Variants in GABRR3 observed in about 807,000 individuals in gnomAD.
The protein encoded by GABRR3 is gamma-aminobutyric acid type A receptor subunit rho3.
GABRR3 carries 29 observed loss-of-function variants against 43.2 expected under a neutral mutation model. The observed-to-expected ratio is 0.67, with a 90% CI of 0.50 to 0.92. The LOEUF (loss-of-function observed/expected upper bound fraction) is 0.92, where lower values mean the gene tolerates loss of function less well. Among genes scored for constraint, GABRR3 ranks in the 40% least tolerant of loss-of-function variants. The pLI is 0.00. For synonymous variants in GABRR3, 206 were observed against 195.9 expected (o/e 1.05, Z -0.43); for missense variants, 576 against 572.3 (o/e 1.01, Z -0.07).
At chr3:98,020,795 T>C (rs1190892349) in intron 3 of GABRR3, among the ~76,000 whole-genome samples, 1 of 152,104 alleles carries the variant, frequency 6.6e-6, no homozygotes, top group Non-Finnish European at 1.5e-5. Flanking sequence ...CTGGTGGGGA[T>C]AAGCTCTTCC....
At chr3:98,007,190 G>T (rs528631355) in intron 7 of GABRR3, among the ~76,000 whole-genome samples, 2 of 152,162 alleles carry the variant, frequency 1.3e-5, no homozygotes, top group South Asian at 2.1e-4. Flanking sequence ...GGGTTGGTTT[G>T]GTTAGGAAAG....
chr3:98,004,421 A>G (rs1706696863), intron 7 of GABRR3, among the ~76,000 whole-genome samples: 1 of 152,174 alleles, frequency 6.6e-6, no homozygotes, highest in South Asian at 2.1e-4. Flanking sequence ...CTAATAAATG[A>G]TAGAGACAGG....
intron 4 of GABRR3, among the ~76,000 whole-genome samples, chr3:98,013,669 C>T (rs944559267): frequency 1.1e-4 from 16 of 152,106 alleles, no homozygotes; most frequent in African/African-American, 3.6e-4. Context: ...GTCCTAGGTT[C>T]AGAATAGAGC....
intron 8 of GABRR3, among the ~76,000 whole-genome samples, chr3:97,994,982 A>AT (rs201802396): frequency 0.018 from 2,593 of 147,230 alleles, 67 homozygotes; most frequent in African/African-American, 0.053. Flanking sequence ...ATTAATTTGA[A>AT]TTTTTTTTTT....
At chr3:98,034,819 G>T (rs1707130677) in intron 2 of GABRR3, 44 bp downstream of exon 2, 2 of 1,606,278 alleles carry the variant, frequency 1.2e-6, no homozygotes, top group South Asian at 2.2e-5. Context: ...ACTGTTGAGA[G>T]AAACTGGGCA....
chr3:97,987,402 C>T (rs1369474982), intron 9 of GABRR3, among the ~76,000 whole-genome samples: 1 of 152,194 alleles, frequency 6.6e-6, no homozygotes, highest in Non-Finnish European at 1.5e-5. Context: ...CTGATTGAAT[C>T]AAAACTAAAA....
intron 2 of GABRR3, among the ~76,000 whole-genome samples, chr3:98,033,760 A>G (rs1707120116): frequency 6.6e-6 from 1 of 152,198 alleles, no homozygotes; most frequent in Non-Finnish European, 1.5e-5. Context: ...GCTATGACGA[A>G]GACTGGGAAA....
chr3:98,010,541 C>T (rs1329978135), intron 5 of GABRR3, among the ~76,000 whole-genome samples: 8 of 152,074 alleles, frequency 5.3e-5, no homozygotes, highest in East Asian at 1.9e-4. Context: ...GCTTGGCCCC[C>T]GGACCCAAAG....
chr3:98,030,241 T>C (rs564387513), intron 2 of GABRR3, among the ~76,000 whole-genome samples: 9 of 152,148 alleles, frequency 5.9e-5, no homozygotes, highest in African/African-American at 2.2e-4. Flanking sequence ...TACTCAATTA[T>C]ACAATTCCAG....
At chr3:98,034,986 A>G in exon 2 of GABRR3, 1 of 1,611,738 alleles carries the variant, frequency 6.2e-7, no homozygotes, top group Non-Finnish European at 8.5e-7. Context: ...AGCCAGGACC[A>G]TCTCTTCCAA....
chr3:97,985,231 G>A (rs1461654547), downstream of GABRR3, among the ~76,000 whole-genome samples: 3 of 152,130 alleles, frequency 2.0e-5, no homozygotes, highest in Non-Finnish European at 2.9e-5. Flanking sequence ...CAAAACAAAA[G>A]CATGCACACT....
chr3:98,005,014 A>C (rs1706706893), intron 7 of GABRR3, among the ~76,000 whole-genome samples: 1 of 152,128 alleles, frequency 6.6e-6, no homozygotes, highest in African/African-American at 2.4e-5. Flanking sequence ...AAACCTAACT[A>C]AGGGATGGTT....
chr3:97,991,636 G>A (rs933835810), intron 9 of GABRR3, among the ~76,000 whole-genome samples: 2 of 152,196 alleles, frequency 1.3e-5, no homozygotes, highest in African/African-American at 4.8e-5. Flanking sequence ...CAGTTCTGTT[G>A]GCTGAGAATC....
At chr3:97,995,222 C>A (rs575734416) in intron 8 of GABRR3, among the ~76,000 whole-genome samples, 15 of 152,206 alleles carry the variant, frequency 9.9e-5, no homozygotes, top group African/African-American at 3.4e-4. Flanking sequence ...GGTGATCTGC[C>A]CCCCTTGGCC....
intron 7 of GABRR3, among the ~76,000 whole-genome samples, chr3:98,004,510 A>G (rs144684592): frequency 1.3e-5 from 2 of 152,208 alleles, no homozygotes; most frequent in African/African-American, 2.4e-5. Flanking sequence ...TAATTATTCA[A>G]TGCATCCCTT....
rs910649683 is a variant in GABRR3 at position 98,007,673 on chromosome 3, C to T, written c.754+91G>A. ...TGGTGCTGGCCAAAGGGGACACTCG[C>T]TTGGATTCCGGTCTTTTCGCATGTT... On this transcript the variant is annotated intron_variant, in intron 7 of 9. Coordinates refer to ENST00000621172, the Ensembl canonical transcript of GABRR3. 3.5e-6 allele frequency: 5 copies of T among 1,423,134 alleles called. No individual in the cohort carries two copies. The South Asian group carries it at 6.1e-5, about 17-fold the overall frequency. The allele number at this position is 1,423,134 out of a possible 1,614,324, so 88.2% of individuals were successfully genotyped here.
At chr3:98,017,603 G>T in intron 4 of GABRR3, 52 bp downstream of exon 4, 1 of 1,284,304 alleles carries the variant, frequency 7.8e-7, no homozygotes, top group Non-Finnish European at 1.1e-6. Flanking sequence ...TTTTGACACT[G>T]CCGAGTTTCT....
At chr3:98,012,668 G>T in intron 4 of GABRR3, 101 bp from the exon 5 acceptor site, 1 of 750,350 alleles carries the variant, frequency 1.3e-6, no homozygotes, top group Non-Finnish European at 2.2e-6. Flanking sequence ...TGGTGTTAAT[G>T]ACTTTTAAGT....
chr3:98,004,383 A>G (rs921361008), intron 7 of GABRR3, among the ~76,000 whole-genome samples: 3 of 152,208 alleles, frequency 2.0e-5, no homozygotes, highest in Admixed American at 6.5e-5. Context: ...GGTTAGAGAG[A>G]TTAAGCAACT....
Sources: allele counts gnomAD v4.1 joint callset (sites outside exome capture counted in the v4.1 genomes callset), GRCh38; gene constraint gnomAD v4.1.1; transcripts MANE v1.5; gene names NCBI Gene and HGNC (gene_info 2026-07-23, HGNC 2026-07-21).